The following NOX3 variants were observed in gnomAD, a reference collection of about 807,000 sequenced individuals.
NOX3 encodes the protein NADPH oxidase catalytic subunit-like 3.
NOX3 carries 74 observed loss-of-function variants against 76.7 expected under a neutral mutation model. That is an observed-to-expected ratio of 0.96 (90% confidence interval 0.80 to 1.17). The LOEUF (loss-of-function observed/expected upper bound fraction) is 1.17, where lower values mean the gene tolerates loss of function less well. Ranked by LOEUF, NOX3 falls within the 50% of genes most tolerant of loss-of-function variation. NOX3 has a pLI of 0.00. For synonymous variants in NOX3, 263 were observed against 261.1 expected (o/e 1.01, Z -0.07); for missense variants, 695 against 703.3 (o/e 0.99, Z 0.13).
chr6:155,412,588 T>TAAGCA (rs1776565984), intron 10 of NOX3, among the ~76,000 whole-genome samples: 1 of 152,198 alleles, frequency 6.6e-6, no homozygotes, highest in Admixed American at 6.5e-5. Flanking sequence ...CCTCAGTCTC[T>TAAGCA]AAGCACAATG....
chr6:155,410,036 C>A (rs1776520817), intron 11 of NOX3, among the ~76,000 whole-genome samples: 1 of 152,160 alleles, frequency 6.6e-6, no homozygotes, highest in African/African-American at 2.4e-5. Context: ...GTCTCTACTT[C>A]ACCAAACTGT....
chr6:155,445,944 TAA>T (rs1777056363), intron 4 of NOX3, among the ~76,000 whole-genome samples: 2 of 140,514 alleles, frequency 1.4e-5, no homozygotes, highest in African/African-American at 5.4e-5. Context: ...TATAGATATA[TAA>T]TATATATATG....
intron 10 of NOX3, among the ~76,000 whole-genome samples, chr6:155,412,808 A>G (rs1466879818): frequency 6.6e-6 from 1 of 151,992 alleles, no homozygotes; most frequent in African/African-American, 2.4e-5. Flanking sequence ...ACCTGTCCAG[A>G]CTCTTCTGTG....
chr6:155,433,350 A>T (rs1421692690), intron 7 of NOX3, among the ~76,000 whole-genome samples: 1 of 152,060 alleles, frequency 6.6e-6, no homozygotes, highest in African/African-American at 2.4e-5. Flanking sequence ...TTGCAGTGAT[A>T]CCCGGGACAG....
chr6:155,395,788 C>A (rs1468450432), intron 13 of NOX3, among the ~76,000 whole-genome samples: 1 of 151,694 alleles, frequency 6.6e-6, no homozygotes, highest in African/African-American at 2.4e-5. Flanking sequence ...GAAAGACTGG[C>A]GCAATGGGAA....
Position 155,398,509 on chromosome 6 carries a change from T to C in NOX3, c.1581-1547A>G, listed in dbSNP as rs76215606. Among the ~76,000 whole-genome samples, 1,469 of 152,340 alleles carry C rather than the reference T, an allele frequency of 9.6e-3. 19 individuals are homozygous for C. Among genetic ancestry groups the C allele is most frequent in the Middle Eastern group, 0.02 (6 of 294 alleles). ...TCACATCCACAGTAGAAATTGATGG[T>C]TCCCCTGCATTTCAAACTCCAGCTT... On this transcript the variant is annotated intron_variant, in intron 12 of 13. Transcript: ENST00000159060.
chr6:155,452,024 T>G (rs1777152123), intron 4 of NOX3, among the ~76,000 whole-genome samples: 1 of 152,182 alleles, frequency 6.6e-6, no homozygotes, highest in Admixed American at 6.5e-5. Flanking sequence ...GTCTTAAAGC[T>G]ATTGTATTGT....
Position 155,422,805 on chromosome 6 carries a change from G to A in NOX3, c.1197C>T (p.Tyr399=). The A allele has an allele frequency of 1.9e-6, 3 of 1,614,188 alleles. No homozygotes were observed. Among genetic ancestry groups the A allele is most frequent in the Non-Finnish European group, 2.5e-6 (3 of 1,180,008 alleles). Residue 399 remains tyrosine (Y), a synonymous_variant, in exon 10 of 14, where the codon TAC becomes TAT. Coordinates refer to ENST00000159060, the MANE Select transcript of NOX3 (RefSeq NM_015718.3). ...FGTALTDVFH[Y]PVCVCVAAGI... is the part of the protein sequence containing the mutation. Reference sequence around the variant, plus strand: ...CCGCGGCAACGCACACACACACTGGGTAGTGAAATACATCTGTCAGGGCAG... The same window carrying A: ...CCGCGGCAACGCACACACACACTGGATAGTGAAATACATCTGTCAGGGCAG...
chr6:155,414,351 G>T (rs1481694672), intron 10 of NOX3, among the ~76,000 whole-genome samples: 1 of 152,094 alleles, frequency 6.6e-6, no homozygotes, highest in Non-Finnish European at 1.5e-5. Flanking sequence ...CAAACAATAG[G>T]CTACAACTCT....
intron 4 of NOX3, among the ~76,000 whole-genome samples, chr6:155,443,688 G>C (rs561883568): frequency 6.6e-6 from 1 of 151,700 alleles, no homozygotes; most frequent in South Asian, 2.1e-4. Flanking sequence ...AGTTATCATG[G>C]AAGTGGAATA....
intron 12 of NOX3, among the ~76,000 whole-genome samples, 176 bp from the exon 13 acceptor site, chr6:155,397,138 C>G (rs936337433): frequency 2.6e-5 from 4 of 151,904 alleles, no homozygotes; most frequent in Non-Finnish European, 5.9e-5. Context: ...CATGCTCTCT[C>G]CTAGGTTCCC....
intron 12 of NOX3, among the ~76,000 whole-genome samples, chr6:155,398,974 G>C (rs1260638980): frequency 6.6e-6 from 1 of 152,212 alleles, no homozygotes. Flanking sequence ...ATTGGTGTCT[G>C]CCTGCTCCGT....
In NOX3 at chr6:155,396,884, T is replaced by G; in HGVS notation, c.1659A>C (p.Ser553=). ...TLQKMCHLYS[S]ADPRGVHFYY... is the part of the protein sequence containing the mutation. ...AGAAATGAACACCTCTGGGGTCAGC[T>G]GATGAATACAAGTGGCACATCTTTT... Residue 553 remains serine, a synonymous_variant, in exon 13 of 14, where the codon TCA becomes TCC. Transcript: ENST00000159060. 6.2e-7 allele frequency: 1 copy of G among 1,613,282 alleles called. No homozygotes were observed. The highest frequency in any genetic ancestry group is 8.5e-7 in the Non-Finnish European group (1 of 1,179,422).
rs115092144 is a variant in NOX3, at chr6:155,449,763, G to A, written c.340+3641C>T. Among the ~76,000 whole-genome samples the A allele has an allele frequency of 4.3e-3, 654 of 152,322 alleles. 1 individual carries two copies. Among genetic ancestry groups the A allele is most frequent in the African/African-American group, 0.015 (618 of 41,580 alleles). On this transcript the variant is annotated intron_variant, in intron 4 of 13. Coordinates refer to ENST00000159060, the MANE Select transcript of NOX3 (RefSeq NM_015718.3). ...TAGAGGTTGGCATGCAAACTTCGATGTGGTCGCACTTTTTCCAAGGTTACA... is the reference window on the plus strand; with the variant it reads ...TAGAGGTTGGCATGCAAACTTCGATATGGTCGCACTTTTTCCAAGGTTACA...
At chr6:155,420,032 A>G (rs1315415718) in intron 10 of NOX3, among the ~76,000 whole-genome samples, 2 of 152,124 alleles carry the variant, frequency 1.3e-5, no homozygotes, top group African/African-American at 4.8e-5. Flanking sequence ...ATGTGTATAT[A>G]TATATATGTA....
intron 8 of NOX3, among the ~76,000 whole-genome samples, chr6:155,429,833 G>C (rs1251576093): frequency 6.6e-6 from 1 of 152,118 alleles, no homozygotes; most frequent in Admixed American, 6.6e-5. Context: ...GTTCAAAAGA[G>C]AATTTCACAG....
chr6:155,430,812 CTTT>C (rs1226125179), intron 8 of NOX3, 28 bp downstream of exon 8: 10 of 1,487,464 alleles, frequency 6.7e-6, no homozygotes, highest in Non-Finnish European at 9.3e-6. Context: ...TACACTCAGG[CTTT>C]TATTCAGACA....
At chr6:155,430,315 C>T (rs1776815624) in intron 8 of NOX3, among the ~76,000 whole-genome samples, 1 of 152,080 alleles carries the variant, frequency 6.6e-6, no homozygotes, top group Non-Finnish European at 1.5e-5. Context: ...CTACCAGGAG[C>T]ATGCTGCTCA....
chr6:155,404,330 G>A (rs1160602153), intron 12 of NOX3, among the ~76,000 whole-genome samples: 1 of 152,124 alleles, frequency 6.6e-6, no homozygotes, highest in Non-Finnish European at 1.5e-5. Flanking sequence ...CCAGGGCTGG[G>A]TGTGGAGCAG....
Sources: allele counts gnomAD v4.1 joint callset (sites outside exome capture counted in the v4.1 genomes callset), GRCh38; gene constraint gnomAD v4.1.1; transcripts MANE v1.5; gene names NCBI Gene and HGNC (gene_info 2026-07-23, HGNC 2026-07-21).